Variants in ANKIB1 observed in about 807,000 individuals in gnomAD.
ANKIB1 encodes ankyrin repeat and IBR domain-containing protein 1.
Under a neutral mutation model 122.1 loss-of-function variants are expected in ANKIB1, and 43 were observed. That is an observed-to-expected ratio of 0.35 (90% CI 0.28 to 0.45). ANKIB1 has a LOEUF of 0.45. Among genes scored for constraint, ANKIB1 ranks in the 20% least tolerant of loss-of-function variants. The pLI is 1.00. For synonymous variants in ANKIB1, 390 were observed against 442.0 expected, an observed-to-expected ratio of 0.88 and a Z score of 1.48; for missense variants, 992 against 1,329.5, an observed-to-expected ratio of 0.75 and a Z score of 3.95.
At chr7:92,341,746 C>G (rs2131974349) in intron 5 of ANKIB1, among the ~76,000 whole-genome samples, 1 of 152,262 alleles carries the variant, frequency 6.6e-6, no homozygotes, top group African/African-American at 2.4e-5. Flanking sequence ...GATGGTTTGA[C>G]TTACAATTTT....
At chr7:92,289,751 A>G (rs1802208789) in intron 1 of ANKIB1, among the ~76,000 whole-genome samples, 1 of 152,212 alleles carries the variant, frequency 6.6e-6, no homozygotes, top group Non-Finnish European at 1.5e-5. Context: ...TTGAGAGCTT[A>G]GTATTTTATT....
At chr7:92,308,175 C>A (rs1027930573) in intron 3 of ANKIB1, among the ~76,000 whole-genome samples, 1 of 151,900 alleles carries the variant, frequency 6.6e-6, no homozygotes, top group Non-Finnish European at 1.5e-5. Flanking sequence ...CAACCAACGG[C>A]CTCTTTTAAA....
chr7:92,253,975 C>T (rs1046916666), intron 1 of ANKIB1, among the ~76,000 whole-genome samples: 8 of 152,192 alleles, frequency 5.3e-5, no homozygotes, highest in African/African-American at 1.9e-4. Flanking sequence ...TCTATGAGTT[C>T]AGGAACCAAC....
chr7:92,369,442 G>A (rs1172826090), intron 10 of ANKIB1, among the ~76,000 whole-genome samples: 8 of 152,172 alleles, frequency 5.3e-5, no homozygotes, highest in Non-Finnish European at 1.2e-4. Flanking sequence ...CTACTTCTGT[G>A]CTGCTAGGCT....
chr7:92,368,421 G>C (rs1182332880), intron 10 of ANKIB1, among the ~76,000 whole-genome samples: 3 of 151,662 alleles, frequency 2.0e-5, no homozygotes, highest in Non-Finnish European at 4.4e-5. Flanking sequence ...TTGGTGTTAA[G>C]AACAGTATGT....
intron 5 of ANKIB1, among the ~76,000 whole-genome samples, chr7:92,336,281 T>G (rs912278755): frequency 6.7e-6 from 1 of 149,310 alleles, no homozygotes; most frequent in Non-Finnish European, 1.5e-5. Flanking sequence ...ACAGTAAAAA[T>G]TTTTTTTTTT....
At chr7:92,336,302 T>G (rs954335928) in intron 5 of ANKIB1, among the ~76,000 whole-genome samples, 5 of 152,092 alleles carry the variant, frequency 3.3e-5, no homozygotes, top group African/African-American at 9.7e-5. Flanking sequence ...AGAATTGTTT[T>G]TCAGTTCTAG....
chr7:92,329,737 A>C (rs1444230479), intron 5 of ANKIB1, among the ~76,000 whole-genome samples: 2 of 152,110 alleles, frequency 1.3e-5, no homozygotes, highest in Non-Finnish European at 2.9e-5. Context: ...TCTCTCTTAT[A>C]TTTGACCACA....
At chr7:92,348,082 T>C (rs1242817820) in intron 7 of ANKIB1, 2 of 368,150 alleles carry the variant, frequency 5.4e-6, no homozygotes, top group Non-Finnish European at 1.1e-5. Context: ...GCTCATAAAT[T>C]TTTATTAAAT....
intron 3 of ANKIB1, among the ~76,000 whole-genome samples, chr7:92,312,338 A>G (rs2131941430): frequency 6.6e-6 from 1 of 152,340 alleles, no homozygotes; most frequent in East Asian, 1.9e-4. Flanking sequence ...TGCTTATATG[A>G]TAAACATTTG....
chr7:92,246,004 C>T lies in ANKIB1; in HGVS notation c.-606C>T. On this transcript the variant is annotated 5_prime_UTR_variant, in exon 1 of 20. Coordinates refer to ENST00000265742, the MANE Select transcript of ANKIB1 (RefSeq NM_019004.2). ...GGCGGCCGGGCTGCTGCCGTTCCTG[C>T]TCCTTTTCACTGGACCTGCAGTCTC... 2 of 243,252 alleles carry T rather than the reference C, an allele frequency of 8.2e-6. No individual in the cohort carries two copies. Among genetic ancestry groups the T allele is most frequent in the South Asian group, 8.1e-5 (2 of 24,718 alleles). 15.1% of individuals were successfully genotyped at this position (243,252 alleles called of 1,614,324 possible). A position where few individuals can be genotyped will look rare whatever the true frequency, so the allele number is the denominator to read the frequency against.
intron 1 of ANKIB1, among the ~76,000 whole-genome samples, chr7:92,279,342 C>A (rs765508087): frequency 6.6e-6 from 1 of 152,208 alleles, no homozygotes; most frequent in African/African-American, 2.4e-5. Context: ...GATCATACTT[C>A]TTGTGATGTG....
chr7:92,290,368 A>C (rs1802220082), intron 1 of ANKIB1, among the ~76,000 whole-genome samples: 1 of 136,854 alleles, frequency 7.3e-6, no homozygotes, highest in South Asian at 2.3e-4. Flanking sequence ...TATATGTATG[A>C]AAGTGTGTGT....
intron 7 of ANKIB1, among the ~76,000 whole-genome samples, chr7:92,350,438 G>GTA (rs1192195178): frequency 6.6e-6 from 1 of 152,170 alleles, no homozygotes; most frequent in Middle Eastern, 3.2e-3. Context: ...ACGAGTGTAT[G>GTA]TATATATGTG....
intron 10 of ANKIB1, among the ~76,000 whole-genome samples, chr7:92,370,510 A>AC (rs1804218940): frequency 2.2e-5 from 2 of 92,056 alleles, no homozygotes; most frequent in Non-Finnish European, 3.9e-5. Flanking sequence ...TCTTGTCTCA[A>AC]AAAAAAAAAA....
At position 92,298,926 on chromosome 7, in the gene ANKIB1, T is replaced by G. The variant is rs540108754; in HGVS notation, c.188+3760T>G. Among the ~76,000 whole-genome samples, 4 of 152,364 alleles carry G rather than the reference T, an allele frequency of 2.6e-5. No individual in the cohort carries two copies. The South Asian group carries it at 8.3e-4, about 32-fold the overall frequency. ...AAAGCATTTCTGCTACATACCAGAA[T>G]ACGACGATGGCTCTGAGGAAGCACA... On this transcript the variant is annotated intron_variant, in intron 2 of 19. Transcript: ENST00000265742.
chr7:92,302,441 C>G (rs1048893378), intron 2 of ANKIB1, among the ~76,000 whole-genome samples: 6 of 152,178 alleles, frequency 3.9e-5, no homozygotes, highest in African/African-American at 1.4e-4. Flanking sequence ...CTTTGCATCT[C>G]TCTCTCTCTG....
rs1205619081 is a variant in ANKIB1 at position 92,382,584 on chromosome 7, C to A, written c.1618-3925C>A. Among the ~76,000 whole-genome samples, 4 of 152,296 alleles carry A rather than the reference C, an allele frequency of 2.6e-5. No homozygotes were observed. The East Asian group carries it at 7.7e-4, about 29-fold the overall frequency. ...CAAATTAGAACTCAGGATTAAGAAA[C>A]CCACTCAAAACCGCACAACTACATG... On this transcript the variant is annotated intron_variant, in intron 11 of 19. Transcript: ENST00000265742.
intron 2 of ANKIB1, 111 bp downstream of exon 2, chr7:92,295,277 C>T: frequency 1.4e-6 from 1 of 713,182 alleles, no homozygotes; most frequent in Non-Finnish European, 2.1e-6. Flanking sequence ...CATATACAGA[C>T]ATGATATATA....
Sources: allele counts gnomAD v4.1 joint callset (sites outside exome capture counted in the v4.1 genomes callset), GRCh38; gene constraint gnomAD v4.1.1; transcripts MANE v1.5; gene names NCBI Gene and HGNC (gene_info 2026-07-23, HGNC 2026-07-21).